The following TSPAN8 variants were observed in gnomAD, a reference collection of about 807,000 sequenced individuals.
TSPAN8 encodes the protein tetraspanin 8.
In TSPAN8, 21 loss-of-function variants were observed where a neutral mutation model predicts 32.8. The observed-to-expected ratio is 0.64, with a 90% confidence interval of 0.45 to 0.92. TSPAN8 has a LOEUF of 0.92. Ranked by LOEUF, TSPAN8 falls within the 40% of genes least tolerant of loss-of-function variation. TSPAN8 has a pLI of 0.00. For missense variants in TSPAN8, 269 were observed against 281.9 expected, an observed-to-expected ratio of 0.95 and a Z score of 0.33; for synonymous variants, 95 against 94.6, an observed-to-expected ratio of 1.00 and a Z score of -0.03.
At chr12:71,145,489 T>TAC (rs1872048670) in intron 2 of TSPAN8, among the ~76,000 whole-genome samples, 1 of 152,030 alleles carries the variant, frequency 6.6e-6, no homozygotes, top group Non-Finnish European at 1.5e-5. Flanking sequence ...AATTATCTCA[T>TAC]ACACACACAT....
intron 7 of TSPAN8, among the ~76,000 whole-genome samples, chr12:71,131,757 G>A (rs1416986335): frequency 2.0e-5 from 3 of 150,718 alleles, no homozygotes; most frequent in Non-Finnish European, 3.0e-5. Flanking sequence ...TAAGCAGAAC[G>A]AACAACTTAT....
Position 71,154,354 on chromosome 12 carries a change from A to AATC in TSPAN8, c.60+3262_60+3264dup, listed in dbSNP as rs1555196435. ...TAATAATAATAATAATAATAATAAT[A>AATC]ATCAGAGCTCGCCAGGAAAGCAATG... On this transcript the variant is annotated intron_variant, in intron 2 of 8. Coordinates refer to ENST00000247829, the MANE Select transcript of TSPAN8 (RefSeq NM_004616.3). Among the ~76,000 whole-genome samples, 382 of 145,340 alleles carry AATC rather than the reference A, an allele frequency of 2.6e-3. 3 individuals carry two copies. The highest frequency in any genetic ancestry group is 8.1e-3 in the African/African-American group (316 of 39,002).
intron 7 of TSPAN8, among the ~76,000 whole-genome samples, chr12:71,131,518 A>G (rs1312471588): frequency 2.0e-5 from 3 of 151,766 alleles, no homozygotes; most frequent in East Asian, 2.0e-4. Flanking sequence ...AAACCAAAAC[A>G]TTTCTAGATT....
At position 71,138,029 on chromosome 12, in the gene TSPAN8, T is replaced by C; in HGVS notation, c.368A>G (p.Glu123Gly). 1 of 1,614,086 alleles carries C rather than the reference T, an allele frequency of 6.2e-7. No individual in the cohort carries two copies. The highest frequency in any genetic ancestry group is 8.5e-7 in the Non-Finnish European group (1 of 1,179,986). Residue 123 changes from glutamate (E) to glycine (G), a missense_variant, in exon 6 of 9, where the codon GAA becomes GGA. Coordinates refer to ENST00000247829, the MANE Select transcript of TSPAN8 (RefSeq NM_004616.3). Reference protein sequence around the residue: ...SDRIVNETLYENTKLLSATGE... With the variant: ...SDRIVNETLYGNTKLLSATGE... ...TGTGGCGCTCAAAAGCTTTGTGTTT[T>C]CATAGAGAGTTTCATTCACAATGCG...
At chr12:71,128,487 T>C (rs1871410856) in intron 8 of TSPAN8, among the ~76,000 whole-genome samples, 1 of 152,154 alleles carries the variant, frequency 6.6e-6, no homozygotes, top group Non-Finnish European at 1.5e-5. Flanking sequence ...CTTCACATTC[T>C]TGCTAATGCC....
rs375727503 is a variant in TSPAN8, at chr12:71,136,170, GAAC to G, written c.444+1780_444+1782del. ...TTGAAAAGCAAGGATTTTAGGAGTC[GAAC>G]AATAGCCATTCTCAAAGAAAAATCT... is the stretch of plus-strand genomic sequence containing the variant. On this transcript the variant is annotated intron_variant, in intron 6 of 8. Coordinates refer to ENST00000247829, the MANE Select transcript of TSPAN8 (RefSeq NM_004616.3). Among the ~76,000 whole-genome samples, 967 of 151,728 alleles carry G rather than the reference GAAC, an allele frequency of 6.4e-3. 13 individuals are homozygous for G. The highest frequency in any genetic ancestry group is 0.022 in the African/African-American group (899 of 41,420).
intron 8 of TSPAN8, among the ~76,000 whole-genome samples, chr12:71,128,709 T>C (rs962491398): frequency 6.6e-5 from 10 of 151,796 alleles, no homozygotes; most frequent in African/African-American, 2.2e-4. Context: ...ATGTGGGATA[T>C]TTTTCCAACA....
intron 2 of TSPAN8, among the ~76,000 whole-genome samples, chr12:71,145,910 C>T (rs192840937): frequency 1.2e-4 from 19 of 152,158 alleles, no homozygotes; most frequent in Non-Finnish European, 2.2e-4. Context: ...AAACTATCAA[C>T]GAAAAAACTT....
rs1871442667 is a variant in TSPAN8 at position 71,129,312 on chromosome 12, A to G, written c.660+19T>C. On this transcript the variant is annotated intron_variant, in intron 8 of 8. Coordinates refer to ENST00000247829, the MANE Select transcript of TSPAN8 (RefSeq NM_004616.3). ...AAGCAAGGGAATAAAAGAGTCAATA[A>G]TACAAGATTATACTGTACCTCAATA... The G allele has an allele frequency of 6.5e-7, 1 of 1,532,382 alleles. No homozygotes were observed. Among genetic ancestry groups the G allele is most frequent in the Non-Finnish European group, 8.7e-7 (1 of 1,144,844 alleles). 94.9% of individuals were successfully genotyped at this position (1,532,382 alleles called of 1,614,324 possible).
chr12:71,128,541 A>C (rs1275973535), intron 8 of TSPAN8, among the ~76,000 whole-genome samples: 6 of 152,132 alleles, frequency 3.9e-5, no homozygotes, highest in Non-Finnish European at 8.8e-5. Flanking sequence ...TGATATTAAA[A>C]TTACCCAAGA....
At chr12:71,144,891 G>A (rs1242025888) in intron 2 of TSPAN8, among the ~76,000 whole-genome samples, 1 of 151,946 alleles carries the variant, frequency 6.6e-6, no homozygotes, top group Non-Finnish European at 1.5e-5. Context: ...TTGGACCAAT[G>A]CCAACACAAT....
At chr12:71,157,569 C>A in intron 2 of TSPAN8, 50 bp downstream of exon 2, 1 of 1,280,758 alleles carries the variant, frequency 7.8e-7, no homozygotes, top group South Asian at 1.2e-5. Flanking sequence ...ATATTTATAT[C>A]AAGATCCCCT....
chr12:71,149,662 CTT>C (rs1421078334), intron 2 of TSPAN8, among the ~76,000 whole-genome samples: 4 of 152,236 alleles, frequency 2.6e-5, no homozygotes, highest in African/African-American at 7.2e-5. Context: ...AAATAATACT[CTT>C]ATAATTTCTT....
chr12:71,138,097 C>T, intron 5 of TSPAN8, 37 bp from the exon 6 acceptor site: 2 of 1,611,720 alleles, frequency 1.2e-6, no homozygotes, highest in Admixed American at 1.7e-5. Context: ...ATTCACGCCA[C>T]AAGGTAGTAT....
chr12:71,147,065 T>C (rs1037445617), intron 2 of TSPAN8, among the ~76,000 whole-genome samples: 1 of 152,122 alleles, frequency 6.6e-6, no homozygotes, highest in African/African-American at 2.4e-5. Context: ...GCTGGCACCT[T>C]AATCTTAGCC....
intron 2 of TSPAN8, among the ~76,000 whole-genome samples, chr12:71,152,192 A>T (rs1187173154): frequency 6.6e-6 from 1 of 152,214 alleles, no homozygotes; most frequent in Non-Finnish European, 1.5e-5. Flanking sequence ...GAGCATGCAA[A>T]AGCCAAGGGA....
rs906034421 is a variant in TSPAN8 at position 71,157,940 on chromosome 12, A to G, written c.-120T>C. On this transcript the variant is annotated 5_prime_UTR_variant, in exon 1 of 9. Coordinates refer to ENST00000247829, the MANE Select transcript of TSPAN8 (RefSeq NM_004616.3). ...AGGCTATTAACTCACACATTTAAAT[A>G]TCGCAAAGGCTATCTCCAGGCAAGT... 1 of 439,730 alleles carries G rather than the reference A, an allele frequency of 2.3e-6. No individual in the cohort carries two copies. Among genetic ancestry groups the G allele is most frequent in the African/African-American group, 2.0e-5 (1 of 50,876 alleles). The allele number at this position is 439,730 out of a possible 1,614,324, so 27.2% of individuals were successfully genotyped here.
intron 7 of TSPAN8, among the ~76,000 whole-genome samples, chr12:71,131,542 G>A (rs988725254): frequency 3.3e-5 from 5 of 151,320 alleles, no homozygotes; most frequent in Non-Finnish European, 7.4e-5. Context: ...AAGAATCTTC[G>A]GGTATTATAG....
intron 2 of TSPAN8, chr12:71,157,100 T>A (rs1255115312): frequency 1.3e-5 from 2 of 152,914 alleles, no homozygotes; most frequent in African/African-American, 4.8e-5. Context: ...GATTTTCTTA[T>A]GATTTAGGAA....
Sources: allele counts gnomAD v4.1 joint callset (sites outside exome capture counted in the v4.1 genomes callset), GRCh38; gene constraint gnomAD v4.1.1; transcripts MANE v1.5; gene names NCBI Gene and HGNC (gene_info 2026-07-23, HGNC 2026-07-21).